The following ANKS1B variants were observed in gnomAD, a reference collection of about 807,000 sequenced individuals.
ANKS1B encodes ankyrin repeat and sterile alpha motif domain-containing protein 1B.
Under a neutral mutation model 148.3 loss-of-function variants are expected in ANKS1B, and 36 were observed. The observed-to-expected ratio is 0.24, with a 90% CI of 0.19 to 0.32. ANKS1B has a LOEUF of 0.32. Ranked by LOEUF, ANKS1B falls within the 10% of genes least tolerant of loss-of-function variation. The pLI, the probability that ANKS1B is intolerant of heterozygous loss-of-function variation, is 1.00. For synonymous variants in ANKS1B, 542 were observed against 560.8 expected, an observed-to-expected ratio of 0.97 and a Z score of 0.47; for missense variants, 1,157 against 1,542.6, an observed-to-expected ratio of 0.75 and a Z score of 4.19.
rs115263446 is a variant in ANKS1B at position 99,808,993 on chromosome 12, C to T, written c.373-2293G>A. On this transcript the variant is annotated intron_variant, in intron 3 of 26. Coordinates refer to ENST00000683438, the MANE Select transcript of ANKS1B (RefSeq NM_001352186.2). The stretch of plus-strand genomic sequence containing the variant: ...ATCCATGATCATCACATACTTGGAT[C>T]GTCACCTCAGTGGACGCCACAACGG... Among the ~76,000 whole-genome samples the T allele has an allele frequency of 2.7e-3, 408 of 152,224 alleles. 1 individual carries two copies. Among genetic ancestry groups the T allele is most frequent in the African/African-American group, 8.8e-3 (366 of 41,568 alleles).
At chr12:99,530,875 T>C (rs1465258641) in intron 9 of ANKS1B, among the ~76,000 whole-genome samples, 1 of 152,192 alleles carries the variant, frequency 6.6e-6, no homozygotes. Context: ...ATGAATTTTA[T>C]ACTAATTTAT....
chr12:99,732,922 T>G (rs2153570360), intron 8 of ANKS1B, among the ~76,000 whole-genome samples: 1 of 152,260 alleles, frequency 6.6e-6, no homozygotes, highest in East Asian at 1.9e-4. Flanking sequence ...TTTCATTCAG[T>G]TATAAGACCA....
At chr12:99,675,593 A>G (rs1215186852) in intron 8 of ANKS1B, among the ~76,000 whole-genome samples, 3 of 151,936 alleles carry the variant, frequency 2.0e-5, no homozygotes, top group Non-Finnish European at 4.4e-5. Flanking sequence ...TCAATGATCA[A>G]TTCAGAATGC....
intron 17 of ANKS1B, among the ~76,000 whole-genome samples, chr12:98,950,543 T>G (rs1004541577): frequency 5.3e-5 from 8 of 152,086 alleles, no homozygotes; most frequent in Non-Finnish European, 1.0e-4. Flanking sequence ...CCATCTGTCC[T>G]GCGAGTCCTA....
chr12:99,854,455 A>G (rs1471930824), intron 1 of ANKS1B, among the ~76,000 whole-genome samples: 1 of 152,238 alleles, frequency 6.6e-6, no homozygotes, highest in East Asian at 1.9e-4. Flanking sequence ...GAGAAATCTA[A>G]AAGTTTGGAA....
intron 9 of ANKS1B, among the ~76,000 whole-genome samples, chr12:99,550,548 C>T (rs542954002): frequency 4.0e-4 from 60 of 151,380 alleles, no homozygotes; most frequent in Non-Finnish European, 6.8e-4. Context: ...CGCTTGAACC[C>T]GGGAGGTGGA....
At chr12:99,210,857 T>C (rs2083257842) in intron 14 of ANKS1B, among the ~76,000 whole-genome samples, 2 of 152,210 alleles carry the variant, frequency 1.3e-5, no homozygotes, top group Admixed American at 1.3e-4. Flanking sequence ...CAGAAACTAT[T>C]TGTGAGGATA....
chr12:98,833,803 T>G (rs536891478), intron 17 of ANKS1B, among the ~76,000 whole-genome samples: 1 of 152,264 alleles, frequency 6.6e-6, no homozygotes, highest in South Asian at 2.1e-4. Context: ...TGCCCATGAG[T>G]ACTCAACGTT....
intron 17 of ANKS1B, among the ~76,000 whole-genome samples, chr12:98,952,849 T>C (rs1434346018): frequency 6.6e-6 from 1 of 152,170 alleles, no homozygotes; most frequent in Non-Finnish European, 1.5e-5. Context: ...AAAATCATTG[T>C]TATCTTTAAC....
At chr12:99,504,701 T>C (rs2096688916) in intron 9 of ANKS1B, 60 bp from the exon 10 acceptor site, 1 of 1,279,610 alleles carries the variant, frequency 7.8e-7, no homozygotes, top group Non-Finnish European at 1.0e-6. Flanking sequence ...GTTTAATTTA[T>C]AAAAACTAGA....
intron 9 of ANKS1B, among the ~76,000 whole-genome samples, chr12:99,512,170 A>C (rs1352026719): frequency 6.6e-6 from 1 of 152,132 alleles, no homozygotes; most frequent in African/African-American, 2.4e-5. Context: ...TCCATCTGAC[A>C]AAAGTCTAAT....
chr12:99,068,896 T>C (rs2045404267), intron 16 of ANKS1B, among the ~76,000 whole-genome samples: 1 of 152,184 alleles, frequency 6.6e-6, no homozygotes, highest in Admixed American at 6.5e-5. Flanking sequence ...TCAAGCACCA[T>C]CCACCTGCCC....
intron 8 of ANKS1B, among the ~76,000 whole-genome samples, chr12:99,695,994 C>A (rs1373829349): frequency 6.6e-6 from 1 of 152,280 alleles, no homozygotes; most frequent in Non-Finnish European, 1.5e-5. Flanking sequence ...GGGCACTATG[C>A]TCACTACCTG....
chr12:99,028,056 T>C (rs372171417), intron 17 of ANKS1B, among the ~76,000 whole-genome samples: 6 of 152,236 alleles, frequency 3.9e-5, no homozygotes, highest in South Asian at 2.1e-4. Flanking sequence ...TAGATGTTTA[T>C]ACAAAAAGTT....
At chr12:99,646,132 C>T (rs2098360951) in intron 9 of ANKS1B, among the ~76,000 whole-genome samples, 1 of 150,932 alleles carries the variant, frequency 6.6e-6, no homozygotes, top group African/African-American at 2.4e-5. Context: ...ACTTTTAAAA[C>T]GTTATTTTAC....
intron 9 of ANKS1B, among the ~76,000 whole-genome samples, chr12:99,651,084 A>G (rs2098416190): frequency 6.6e-6 from 1 of 152,176 alleles, no homozygotes; most frequent in Admixed American, 6.5e-5. Context: ...CTGGGGATAT[A>G]AAATTTTACA....
intron 9 of ANKS1B, among the ~76,000 whole-genome samples, chr12:99,579,236 G>C (rs114461295): frequency 0.014 from 2,064 of 152,118 alleles, 52 homozygotes; most frequent in African/African-American, 0.048. Context: ...GACTTAAAAT[G>C]TTTAAAACTT....
intron 26 of ANKS1B, among the ~76,000 whole-genome samples, chr12:98,749,807 T>C (rs906687764): frequency 6.6e-6 from 1 of 152,070 alleles, no homozygotes; most frequent in Non-Finnish European, 1.5e-5. Flanking sequence ...CTATACTGCA[T>C]AGGCCTGGGG....
intron 12 of ANKS1B, among the ~76,000 whole-genome samples, chr12:99,349,642 C>G (rs1042352468): frequency 1.3e-5 from 2 of 151,956 alleles, no homozygotes; most frequent in African/African-American, 4.8e-5. Flanking sequence ...CAATTAAAAG[C>G]ATACATGCAC....
Sources: gnomAD v4.1 joint callset for allele counts (sites outside exome capture counted in the v4.1 genomes callset) on GRCh38, gnomAD v4.1.1 for gene constraint, MANE v1.5 for transcripts, NCBI Gene and HGNC (gene_info 2026-07-23, HGNC 2026-07-21) for gene names.